Variants in NRXN3 observed in about 807,000 individuals in gnomAD.
NRXN3 encodes the protein neurexin 3.
NRXN3 carries 32 observed loss-of-function variants against 137.6 expected under a neutral mutation model. That is an observed-to-expected ratio of 0.23 (90% CI 0.18 to 0.31). NRXN3 has a LOEUF of 0.31. NRXN3 is among the 10% of genes least tolerant of loss of function. The pLI, the probability that NRXN3 is intolerant of heterozygous loss-of-function variation, is 1.00. For synonymous variants in NRXN3, 798 were observed against 784.5 expected (o/e 1.02, Z -0.29); for missense variants, 1,574 against 2,062.5 (o/e 0.76, Z 4.59).
chr14:79,026,257 A>G (rs1158825166), intron 15 of NRXN3, among the ~76,000 whole-genome samples: 4 of 152,176 alleles, frequency 2.6e-5, no homozygotes, highest in African/African-American at 9.6e-5. Context: ...AAAATGGAAT[A>G]CTGGAGTCAG....
At chr14:79,030,256 A>C (rs2099605536) in intron 15 of NRXN3, among the ~76,000 whole-genome samples, 1 of 151,928 alleles carries the variant, frequency 6.6e-6, no homozygotes, top group East Asian at 1.9e-4. Flanking sequence ...CATAATTGTC[A>C]CAATAAAAAA....
At chr14:79,643,119 T>G (rs2098439938) in intron 16 of NRXN3, among the ~76,000 whole-genome samples, 1 of 136,294 alleles carries the variant, frequency 7.3e-6, no homozygotes, top group Non-Finnish European at 1.7e-5. Context: ...CAAGACCACA[T>G]GGGTACACCT....
At chr14:79,119,021 C>A (rs1446018170) in intron 15 of NRXN3, among the ~76,000 whole-genome samples, 1 of 152,142 alleles carries the variant, frequency 6.6e-6, no homozygotes, top group Non-Finnish European at 1.5e-5. Flanking sequence ...TTATTTAAAT[C>A]ATATATCTGA....
intron 15 of NRXN3, among the ~76,000 whole-genome samples, chr14:79,217,630 G>T (rs1230418527): frequency 6.6e-6 from 1 of 152,140 alleles, no homozygotes; most frequent in African/African-American, 2.4e-5. Flanking sequence ...GCATACATAA[G>T]TGATGTTCTA....
chr14:79,673,126 G>T (rs772032166), intron 17 of NRXN3, among the ~76,000 whole-genome samples: 2 of 152,012 alleles, frequency 1.3e-5, no homozygotes, highest in Admixed American at 1.3e-4. Context: ...ATCCTAGCAG[G>T]CTGAAGAGAG....
chr14:78,858,574 CAA>C (rs2099063762), intron 10 of NRXN3, among the ~76,000 whole-genome samples: 2 of 152,264 alleles, frequency 1.3e-5, no homozygotes, highest in South Asian at 4.1e-4. Flanking sequence ...AGGTAATTAA[CAA>C]AGGGCAATCT....
At chr14:79,131,758 C>T (rs545759412) in intron 15 of NRXN3, among the ~76,000 whole-genome samples, 9 of 152,332 alleles carry the variant, frequency 5.9e-5, no homozygotes, top group East Asian at 1.9e-4. Context: ...TGGGCAATGG[C>T]GAGTGCCCCT....
chr14:79,341,259 A>G (rs1301590487), intron 15 of NRXN3, among the ~76,000 whole-genome samples: 1 of 152,186 alleles, frequency 6.6e-6, no homozygotes, highest in African/African-American at 2.4e-5. Context: ...GTTACTACCC[A>G]GGGTAATCTC....
At chr14:78,388,062 C>T (rs1325952597) in intron 4 of NRXN3, among the ~76,000 whole-genome samples, 2 of 152,130 alleles carry the variant, frequency 1.3e-5, no homozygotes, top group Non-Finnish European at 2.9e-5. Flanking sequence ...TTAATGAGTG[C>T]CTAATTTGTG....
intron 20 of NRXN3, among the ~76,000 whole-genome samples, chr14:79,812,994 G>GTATA (rs147637259): frequency 6.7e-6 from 1 of 150,042 alleles, no homozygotes; most frequent in Non-Finnish European, 1.5e-5. Context: ...TGTACTGTGT[G>GTATA]TATATATATA....
chr14:79,749,271 G>A (rs1188979273), intron 19 of NRXN3, among the ~76,000 whole-genome samples: 1 of 152,042 alleles, frequency 6.6e-6, no homozygotes, highest in South Asian at 2.1e-4. Context: ...TGTCTTTGGG[G>A]TGTGGGGCTG....
intron 15 of NRXN3, among the ~76,000 whole-genome samples, chr14:79,049,115 TTGAC>T (rs763655634): frequency 2.0e-4 from 27 of 131,868 alleles, no homozygotes; most frequent in Non-Finnish European, 4.2e-4. Flanking sequence ...GTGTGCTGCA[TTGAC>T]TGATTCTTCT....
chr14:79,594,356 G>C (rs1160702962), intron 16 of NRXN3, among the ~76,000 whole-genome samples: 1 of 152,140 alleles, frequency 6.6e-6, no homozygotes, highest in East Asian at 1.9e-4. Context: ...CTGCCATAGA[G>C]AGTCACTGAT....
chr14:79,399,008 C>CAAAAAAAA (rs34172134), intron 15 of NRXN3, among the ~76,000 whole-genome samples: 11 of 75,716 alleles, frequency 1.5e-4, no homozygotes, highest in South Asian at 6.2e-4. Flanking sequence ...GACTCCATCT[C>CAAAAAAAA]AAAAAAAAAA....
chr14:78,712,917 C>T (rs1358782500), intron 7 of NRXN3, among the ~76,000 whole-genome samples: 1 of 152,170 alleles, frequency 6.6e-6, no homozygotes, highest in Non-Finnish European at 1.5e-5. Flanking sequence ...ATCTTCGCAG[C>T]CCTTCAGGTT....
intron 4 of NRXN3, among the ~76,000 whole-genome samples, chr14:78,510,714 T>C (rs1567799871): frequency 6.6e-6 from 1 of 152,196 alleles, no homozygotes; most frequent in Non-Finnish European, 1.5e-5. Context: ...AATGTCAATC[T>C]CTTGCTTTTT....
At chr14:78,567,871 C>T (rs1185560410) in intron 4 of NRXN3, among the ~76,000 whole-genome samples, 1 of 152,134 alleles carries the variant, frequency 6.6e-6, no homozygotes, top group African/African-American at 2.4e-5. Context: ...CAGAATTCAT[C>T]TTCGTTGCCT....
rs190709059 is a variant in NRXN3, at chr14:79,788,881, A to G, written c.4015-16231A>G. 3.1e-3 allele frequency among the ~76,000 whole-genome samples: 467 copies of G among 152,348 alleles called. 1 individual carries two copies. Among genetic ancestry groups the G allele is most frequent in the Middle Eastern group, 0.014 (4 of 294 alleles). ...TTTGGGTTGGACCTTAAAAAAAGGT[A>G]TACCATTTCAGCAGGTATAAATGGA... On this transcript the variant is annotated intron_variant, in intron 19 of 20. Transcript: ENST00000335750.
At chr14:79,801,960 G>C (rs1025133477) in intron 19 of NRXN3, among the ~76,000 whole-genome samples, 2 of 151,116 alleles carry the variant, frequency 1.3e-5, no homozygotes, top group Non-Finnish European at 2.9e-5. Flanking sequence ...CCACAGGGGA[G>C]AGAAACTTAG....
Sources: gnomAD v4.1 joint callset for allele counts (sites outside exome capture counted in the v4.1 genomes callset) on GRCh38, gnomAD v4.1.1 for gene constraint, MANE v1.5 for transcripts, NCBI Gene and HGNC (gene_info 2026-07-23, HGNC 2026-07-21) for gene names.